Variants in CFAP46 observed in about 807,000 individuals in gnomAD.
CFAP46 encodes cilia- and flagella-associated protein 46.
Under a neutral mutation model 325.7 loss-of-function variants are expected in CFAP46, and 245 were observed. The ratio of observed to expected loss-of-function variants is 0.75; its 90% CI spans 0.68 to 0.84. The LOEUF (loss-of-function observed/expected upper bound fraction) is 0.84. CFAP46 is among the 40% of genes least tolerant of loss of function. The pLI, the probability that CFAP46 is intolerant of heterozygous loss-of-function variation, is 0.00. For synonymous variants in CFAP46, 1,523 were observed against 1,495.9 expected (o/e 1.02, Z -0.42); for missense variants, 3,346 against 3,543.0 (o/e 0.94, Z 1.41).
In CFAP46 at chr10:132,885,280, G is replaced by A. The variant is rs745438276; in HGVS notation, c.3450C>T (p.Ile1150=). Reference sequence around the variant, plus strand: ...CCTTCACGATGACCATGTGCTTGAAGATCAAGCTAAAGAAAGGGAAGGTGA... The same window carrying A: ...CCTTCACGATGACCATGTGCTTGAAAATCAAGCTAAAGAAAGGGAAGGTGA... ...VLPRTAHRLL[I]FKHMVIVKAK... The change falls in exon 27 of 58, where the codon ATC becomes ATT. Residue 1150 remains isoleucine (I), a synonymous_variant. Transcript: ENST00000368586. 16 of 1,544,830 alleles carry A rather than the reference G, an allele frequency of 1.0e-5. No homozygotes were observed. In the South Asian group the frequency reaches 1.8e-4, roughly 17 times the overall value.
At chr10:132,823,174 TCTGTGCG>T (rs1847924679) in intron 50 of CFAP46, among the ~76,000 whole-genome samples, 2 of 86,766 alleles carry the variant, frequency 2.3e-5, no homozygotes, top group Admixed American at 2.7e-4. Flanking sequence ...ATGTGTGCTG[TCTGTGCG>T]CTGTGTGCTG....
chr10:132,893,366 T>G (rs543538572), intron 24 of CFAP46, among the ~76,000 whole-genome samples: 1 of 152,292 alleles, frequency 6.6e-6, no homozygotes, highest in Admixed American at 6.5e-5. Context: ...GATCAGCTGC[T>G]CACTGGGAGG....
chr10:132,816,249 A>G lies in CFAP46; in HGVS notation c.7118-1335T>C, dbSNP rs1847691015. Among the ~76,000 whole-genome samples, 3 of 144,848 alleles carry G rather than the reference A, an allele frequency of 2.1e-5. No individual in the cohort carries two copies. The South Asian group carries it at 6.6e-4, about 32-fold the overall frequency. ...GTTCTCGGTTGCTCTTCTCTGTGGC[A>G]TCTCTGTTTCCCTGGCGTCTTCTGC... On this transcript the variant is annotated intron_variant, in intron 50 of 57. Transcript: ENST00000368586.
chr10:132,815,281 C>T (rs778735797), intron 50 of CFAP46, among the ~76,000 whole-genome samples: 6 of 152,238 alleles, frequency 3.9e-5, no homozygotes, highest in Non-Finnish European at 8.8e-5. Flanking sequence ...CGAACACTTT[C>T]TTTTGCAGGC....
At chr10:132,913,371 GGGC>G in intron 17 of CFAP46, 113 bp from the exon 18 acceptor site, 1 of 586,836 alleles carries the variant, frequency 1.7e-6, no homozygotes. Flanking sequence ...GAAGTGGGAG[GGGC>G]GGGTGGGCGG....
rs572678682 is a variant in CFAP46, at chr10:132,835,775, A to C, written c.6614-341T>G. Among the ~76,000 whole-genome samples, 5 of 151,992 alleles carry C rather than the reference A, an allele frequency of 3.3e-5. No homozygotes were observed. In the East Asian group the frequency reaches 9.7e-4, roughly 30 times the overall value. ...CCCAGCGGCTCCCTGGTGGGCCTTCAGCTTCTGGAAGGAAAGGGCCCGTGT... is the reference window on the plus strand; with the variant it reads ...CCCAGCGGCTCCCTGGTGGGCCTTCCGCTTCTGGAAGGAAAGGGCCCGTGT... On this transcript the variant is annotated intron_variant, in intron 46 of 57. Coordinates refer to ENST00000368586, the MANE Select transcript of CFAP46 (RefSeq NM_001200049.3).
intron 51 of CFAP46, 40 bp from the exon 52 acceptor site, chr10:132,814,786 G>A: frequency 1.2e-6 from 2 of 1,613,610 alleles, no homozygotes; most frequent in Non-Finnish European, 8.5e-7. Flanking sequence ...CAGGGGCCAG[G>A]AGCCTGACCT....
Position 132,926,666 on chromosome 10 carries a change from C to T in CFAP46, c.967G>A (p.Asp323Asn), listed in dbSNP as rs765934812. The change falls in exon 10 of 58, where the codon GAT becomes AAT. Residue 323 changes from aspartate to asparagine, a missense_variant and splice_region_variant. Transcript: ENST00000368586. Reference protein sequence around the residue: ...LSDLKKMESKDPGKLIEMECL... With the variant: ...LSDLKKMESKNPGKLIEMECL... ...TCCATTTCAATAAGCTTCCCAGGATCCTGCAGATATAAACAGTTTTTGAAA... is the reference window on the plus strand; with the variant it reads ...TCCATTTCAATAAGCTTCCCAGGATTCTGCAGATATAAACAGTTTTTGAAA... 4 of 1,535,014 alleles carry T rather than the reference C, an allele frequency of 2.6e-6. No homozygotes were observed. In the South Asian group the frequency reaches 3.6e-5, roughly 14 times the overall value.
At chr10:132,826,042 G>A (rs1167553761) in intron 50 of CFAP46, among the ~76,000 whole-genome samples, 1 of 118,790 alleles carries the variant, frequency 8.4e-6, no homozygotes, top group Non-Finnish European at 1.8e-5. Context: ...CATGGAGCCA[G>A]GCAGGAGCCG....
intron 45 of CFAP46, 42 bp from the exon 46 acceptor site, chr10:132,836,260 A>G (rs1481177539): frequency 6.3e-7 from 1 of 1,585,482 alleles, no homozygotes; most frequent in African/African-American, 1.3e-5. Context: ...CAAGCCATGA[A>G]GGAAACACAC....
rs780311638 is a variant in CFAP46 at position 132,942,567 on chromosome 10, G to A, written c.-83C>T. ...ACTGTCGGTTGGGTTCTCCAGCCGCGAGGACCCGGCCACGGTTGCCTGGAG... is the reference window on the plus strand; with the variant it reads ...ACTGTCGGTTGGGTTCTCCAGCCGCAAGGACCCGGCCACGGTTGCCTGGAG... On this transcript the variant is annotated 5_prime_UTR_variant, in exon 1 of 58. Transcript: ENST00000368586. 1.3e-5 allele frequency: 15 copies of A among 1,161,810 alleles called. No individual in the cohort carries two copies. The highest frequency in any genetic ancestry group is 1.5e-5 in the Non-Finnish European group (14 of 921,184). The allele number at this position is 1,161,810 out of a possible 1,614,324, so 72.0% of individuals were successfully genotyped here.
intron 50 of CFAP46, among the ~76,000 whole-genome samples, chr10:132,819,061 A>G (rs1847748491): frequency 6.6e-6 from 1 of 152,222 alleles, no homozygotes; most frequent in Non-Finnish European, 1.5e-5. Context: ...ATTACAATGA[A>G]CTATCATTAA....
At position 132,884,980 on chromosome 10, in the gene CFAP46, G is replaced by T. The variant is rs575264951; in HGVS notation, c.3627+123C>A. 14 of 1,065,754 alleles carry T rather than the reference G, an allele frequency of 1.3e-5. No individual in the cohort carries two copies. The highest frequency in any genetic ancestry group is 1.7e-5 in the Non-Finnish European group (13 of 758,782). 66.0% of individuals were successfully genotyped at this position (1,065,754 alleles called of 1,614,324 possible). ...GCCACGCGGTGCATTCTCTGTGCCC[G>T]TCAGCTGTGGCTGCTCTGCGTGCTG... On this transcript the variant is annotated intron_variant, in intron 27 of 57. Coordinates refer to ENST00000368586, the MANE Select transcript of CFAP46 (RefSeq NM_001200049.3). The surrounding 1 kb of genome is among the most constrained non-coding windows in gnomAD (Gnocchi z 5.4).
intron 16 of CFAP46, among the ~76,000 whole-genome samples, chr10:132,916,885 C>T (rs1413482226): frequency 6.6e-6 from 1 of 152,228 alleles, no homozygotes; most frequent in African/African-American, 2.4e-5. Context: ...AGACTCTCTC[C>T]ACCCATTAGC....
At position 132,922,683 on chromosome 10, in the gene CFAP46, C is replaced by G. The variant is rs1849745573; in HGVS notation, c.1282G>C (p.Val428Leu). 1 of 1,549,326 alleles carries G rather than the reference C, an allele frequency of 6.5e-7. No individual in the cohort carries two copies. The highest frequency in any genetic ancestry group is 8.7e-7 in the Non-Finnish European group (1 of 1,146,348). ...DSLMTLLRCQ[V>L]HMEMAQIEED... ...TCGATCTGCGCCATCTCCATGTGCA[C>G]TTGACAGCGGAGAAGCGTCATGAGG... Residue 428 changes from valine to leucine, a missense_variant, in exon 12 of 58, where the codon GTG (valine) becomes CTG (leucine). Transcript: ENST00000368586.
At chr10:132,811,426 TG>T (rs1019839534) in intron 55 of CFAP46, among the ~76,000 whole-genome samples, 2 of 152,166 alleles carry the variant, frequency 1.3e-5, no homozygotes, top group Non-Finnish European at 2.9e-5. Flanking sequence ...GACAGGCTGC[TG>T]GGGGGCAGCA....
intron 55 of CFAP46, among the ~76,000 whole-genome samples, chr10:132,811,818 G>T (rs1269282927): frequency 6.6e-6 from 1 of 152,244 alleles, no homozygotes; most frequent in Non-Finnish European, 1.5e-5. Context: ...AGAGCAGAGT[G>T]GGGGTCCTGC....
In CFAP46 at chr10:132,914,088, ACCCCG is replaced by A. The variant is rs1849603348; in HGVS notation, c.2121-835_2121-831del. ...CCGAGGCTGTGTCCAGCCACACTGC[ACCCCG>A]GCCCGAGGCTGTGTCCAGCCACACT... is the stretch of plus-strand genomic sequence containing the variant. On this transcript the variant is annotated intron_variant, in intron 17 of 57. Coordinates refer to ENST00000368586, the MANE Select transcript of CFAP46 (RefSeq NM_001200049.3). Among the ~76,000 whole-genome samples, 6 of 121,640 alleles carry A rather than the reference ACCCCG, an allele frequency of 4.9e-5. No homozygotes were observed. In the East Asian group the frequency reaches 7.4e-4, roughly 15 times the overall value. 79.8% of individuals were successfully genotyped at this position (121,640 alleles called of 152,430 possible).
At chr10:132,913,527 C>T (rs556811032) in intron 17 of CFAP46, among the ~76,000 whole-genome samples, 4 of 152,326 alleles carry the variant, frequency 2.6e-5, no homozygotes, top group South Asian at 4.1e-4. Flanking sequence ...GGATCTAGGC[C>T]GCGTGCTCCT....
Sources: allele counts gnomAD v4.1 joint callset (sites outside exome capture counted in the v4.1 genomes callset), GRCh38; gene constraint gnomAD v4.1.1; non-coding constraint Gnocchi (gnomAD v3.1); transcripts MANE v1.5; gene names NCBI Gene and HGNC (gene_info 2026-07-23, HGNC 2026-07-21).